Variants in CWC27 observed in about 807,000 individuals in gnomAD.
The protein encoded by CWC27 is CWC27 spliceosome associated cyclophilin, also known as spliceosome-associated protein CWC27 homolog.
In CWC27, 47 loss-of-function variants were observed where a neutral mutation model predicts 63.6. The ratio of observed to expected loss-of-function variants is 0.74; its 90% CI spans 0.58 to 0.94. The LOEUF is 0.94. Among genes scored for constraint, CWC27 ranks in the 40% least tolerant of loss-of-function variants. CWC27 has a pLI of 0.00. For synonymous variants in CWC27, 175 were observed against 179.8 expected, an observed-to-expected ratio of 0.97 and a Z score of 0.22; for missense variants, 495 against 554.3, an observed-to-expected ratio of 0.89 and a Z score of 1.07.
At chr5:64,904,378 T>G (rs1267899564) in intron 11 of CWC27, among the ~76,000 whole-genome samples, 1 of 152,346 alleles carries the variant, frequency 6.6e-6, no homozygotes, top group South Asian at 2.1e-4. Flanking sequence ...CTTATGAGGC[T>G]GTAGGCAAAA....
At chr5:64,886,351 A>G (rs1747072256) in intron 11 of CWC27, among the ~76,000 whole-genome samples, 1 of 152,130 alleles carries the variant, frequency 6.6e-6, no homozygotes, top group African/African-American at 2.4e-5. Context: ...AGTGAATATG[A>G]TCAGAAATTT....
intron 11 of CWC27, among the ~76,000 whole-genome samples, chr5:64,890,550 T>A (rs921227481): frequency 2.7e-5 from 4 of 149,938 alleles, no homozygotes; most frequent in African/African-American, 9.8e-5. Context: ...TGTTGAGTTA[T>A]TTTTTTTTTC....
chr5:64,793,439 A>G (rs1301409474), intron 7 of CWC27, among the ~76,000 whole-genome samples: 4 of 152,180 alleles, frequency 2.6e-5, no homozygotes, highest in East Asian at 1.9e-4. Context: ...TTTTAAGTAC[A>G]TGAGATAAAT....
intron 10 of CWC27, among the ~76,000 whole-genome samples, chr5:64,866,846 T>C (rs1746541403): frequency 6.6e-6 from 1 of 152,100 alleles, no homozygotes; most frequent in Non-Finnish European, 1.5e-5. Flanking sequence ...TTCATATGCA[T>C]TTGAGAAGAA....
chr5:64,937,903 CT>C (rs1182862363), intron 11 of CWC27, among the ~76,000 whole-genome samples: 3 of 144,242 alleles, frequency 2.1e-5, no homozygotes, highest in Non-Finnish European at 4.5e-5. Flanking sequence ...TTATCAGAGA[CT>C]GGGATTGCAA....
intron 10 of CWC27, among the ~76,000 whole-genome samples, chr5:64,858,679 G>A (rs907210691): frequency 3.3e-5 from 5 of 151,608 alleles, no homozygotes; most frequent in African/African-American, 1.2e-4. Context: ...CATATTCAGG[G>A]CAATACAAAT....
At chr5:64,916,757 C>T (rs183005050) in intron 11 of CWC27, among the ~76,000 whole-genome samples, 1 of 152,166 alleles carries the variant, frequency 6.6e-6, no homozygotes, top group Non-Finnish European at 1.5e-5. Flanking sequence ...ACCTATAACA[C>T]TTGGCCTCTC....
At chr5:64,884,044 C>G (rs995190239) in intron 10 of CWC27, 4 of 152,060 alleles carry the variant, frequency 2.6e-5, no homozygotes, top group Non-Finnish European at 5.9e-5. Context: ...TTGTCTCCCC[C>G]AACATGTTGC....
chr5:64,855,073 T>A (rs890039089), intron 10 of CWC27, among the ~76,000 whole-genome samples: 1 of 152,206 alleles, frequency 6.6e-6, no homozygotes, highest in African/African-American at 2.4e-5. Context: ...GAGAGCCAAG[T>A]TTACAGTGAA....
At chr5:65,006,753 T>C (rs1015001046) in intron 13 of CWC27, among the ~76,000 whole-genome samples, 10 of 151,944 alleles carry the variant, frequency 6.6e-5, no homozygotes, top group African/African-American at 2.4e-4. Context: ...TAGGTATGGA[T>C]TACGCATGGT....
At chr5:64,782,564 A>G (rs7732255) in intron 3 of CWC27, among the ~76,000 whole-genome samples, 82,040 of 135,166 alleles carry the variant, frequency 0.61, 22,695 homozygotes, top group East Asian at 0.86. Context: ...AAAGGAGTTA[A>G]TGTCATAGTG....
chr5:64,781,892 T>C, intron 2 of CWC27, 29 bp from the exon 3 acceptor site: 1 of 1,180,158 alleles, frequency 8.5e-7, no homozygotes, highest in Non-Finnish European at 1.2e-6. Flanking sequence ...ATTTTAGACA[T>C]TGATAAATTA....
At chr5:64,885,933 G>T (rs549145430) in intron 11 of CWC27, among the ~76,000 whole-genome samples, 1 of 152,054 alleles carries the variant, frequency 6.6e-6, no homozygotes, top group East Asian at 1.9e-4. Context: ...AGTGCACAAG[G>T]GTGGAATGTT....
At chr5:64,892,848 C>T (rs991544491) in intron 11 of CWC27, among the ~76,000 whole-genome samples, 5 of 150,476 alleles carry the variant, frequency 3.3e-5, no homozygotes, top group African/African-American at 1.2e-4. Flanking sequence ...TTCTTTATCT[C>T]TCGTTCTTTA....
At chr5:64,868,457 A>G (rs1746584044) in intron 10 of CWC27, among the ~76,000 whole-genome samples, 1 of 152,086 alleles carries the variant, frequency 6.6e-6, no homozygotes, top group Admixed American at 6.6e-5. Flanking sequence ...GAAAATATTA[A>G]TAAAGTCTCA....
In CWC27 at chr5:64,786,539, T is replaced by C; in HGVS notation, c.511T>C (p.Phe171Leu). 1 of 1,565,250 alleles carries C rather than the reference T, an allele frequency of 6.4e-7. No homozygotes were observed. The highest frequency in any genetic ancestry group is 8.6e-7 in the Non-Finnish European group (1 of 1,160,902). ...IKSCEVLFNP[F>L]DDIIPREIKR... ...TTTTTCATAGGTTTTGTTTAATCCT[T>C]TTGATGACATCATTCCAAGGGAAAT... is the stretch of plus-strand genomic sequence containing the variant. Residue 171 changes from phenylalanine (F) to leucine (L), a missense_variant, in exon 6 of 14, where the codon TTT becomes CTT. By Grantham distance (22) the Phe-to-Leu change is conservative. Around this residue, in one of 3 missense-constraint regions of CWC27, gnomAD observed 463 missense variants for 498.1 expected, o/e 0.93. Coordinates refer to ENST00000381070, the MANE Select transcript of CWC27 (RefSeq NM_005869.4).
Position 65,018,167 on chromosome 5 carries a change from A to G in CWC27, c.1265A>G (p.His422Arg). The change falls in exon 14 of 14, where the codon CAT becomes CGT. Residue 422 changes from histidine to arginine, a missense_variant. His to Arg is a conservative substitution (Grantham distance 29, BLOSUM62 0). This residue lies in a region of CWC27 where 463 missense variants were observed against 498.1 expected (regional missense o/e 0.93). Transcript: ENST00000381070. ...EVEDDEGWMS[H>R]VLQFEDKSRK... ...TCTCTCTCCCTATTTAGGATGTCAC[A>G]TGTACTTCAGTTTGAGGATAAAAGC... 1.3e-6 allele frequency: 2 copies of G among 1,595,972 alleles called. No homozygotes were observed. The highest frequency in any genetic ancestry group is 2.3e-5 in the East Asian group (1 of 44,332).
chr5:64,773,538 C>CCTT (rs34555869), intron 1 of CWC27, among the ~76,000 whole-genome samples: 86,468 of 151,684 alleles, frequency 0.57, 25,237 homozygotes, highest in East Asian at 0.86. Flanking sequence ...ATGATACTGA[C>CCTT]CTATGAGAAA....
intron 13 of CWC27, among the ~76,000 whole-genome samples, chr5:65,016,788 A>G (rs1435657421): frequency 6.6e-6 from 1 of 152,192 alleles, no homozygotes; most frequent in Non-Finnish European, 1.5e-5. Context: ...AATTTCACTC[A>G]TCATTTGTGC....
Sources: gnomAD v4.1 joint callset for allele counts (sites outside exome capture counted in the v4.1 genomes callset) on GRCh38, gnomAD v4.1.1 for gene constraint, gnomAD v4.1.1 regional missense constraint, MANE v1.5 for transcripts, NCBI Gene and HGNC (gene_info 2026-07-23, HGNC 2026-07-21) for gene names.